The following INTS4 variants were observed in gnomAD, a reference collection of about 807,000 sequenced individuals.
INTS4 encodes the protein MSTP093.
INTS4 carries 70 observed loss-of-function variants against 119.5 expected under a neutral mutation model. The observed-to-expected ratio is 0.59, with a 90% CI of 0.48 to 0.71. INTS4 has a LOEUF of 0.71. Among genes scored for constraint, INTS4 ranks in the 30% least tolerant of loss-of-function variants. INTS4 has a pLI of 0.00. For missense variants in INTS4, 867 were observed against 1,173.2 expected (o/e 0.74, Z 3.81); for synonymous variants, 316 against 419.6 (o/e 0.75, Z 3.02).
At chr11:77,994,500 T>A in intron 1 of INTS4, 90 bp downstream of exon 1, 1 of 1,004,920 alleles carries the variant, frequency 1.0e-6, no homozygotes, top group Non-Finnish European at 1.6e-6. Flanking sequence ...CACGGGCGTA[T>A]GGAGCCTCTT....
At chr11:77,976,060 G>T (rs897489448) in intron 4 of INTS4, among the ~76,000 whole-genome samples, 7 of 151,794 alleles carry the variant, frequency 4.6e-5, no homozygotes, top group Non-Finnish European at 1.0e-4. Context: ...CACATGAGAG[G>T]AAATACAAAT....
chr11:77,877,882 G>A (rs1165457529), downstream of INTS4, among the ~76,000 whole-genome samples: 2 of 152,000 alleles, frequency 1.3e-5, no homozygotes. Flanking sequence ...ACAGCCCCCA[G>A]CCCCATGCCT....
chr11:77,962,814 T>C (rs746043471), intron 4 of INTS4, among the ~76,000 whole-genome samples: 2 of 151,998 alleles, frequency 1.3e-5, no homozygotes, highest in Non-Finnish European at 2.9e-5. Context: ...TGAATGGGAC[T>C]TGGCCAGCTT....
intron 15 of INTS4, chr11:77,915,284 G>A (rs926347944): frequency 6.6e-6 from 1 of 152,328 alleles, no homozygotes; most frequent in African/African-American, 2.4e-5. Context: ...GGGACTTTGT[G>A]AATCATCCCT....
At chr11:77,929,325 T>G (rs1953588993) in intron 10 of INTS4, among the ~76,000 whole-genome samples, 1 of 152,168 alleles carries the variant, frequency 6.6e-6, no homozygotes, top group Admixed American at 6.5e-5. Flanking sequence ...GCCCACAGTT[T>G]CACATACCAC....
intron 10 of INTS4, among the ~76,000 whole-genome samples, chr11:77,931,794 C>A (rs999726514): frequency 6.6e-6 from 1 of 152,188 alleles, no homozygotes; most frequent in African/African-American, 2.4e-5. Flanking sequence ...CACACATCTA[C>A]AACCATCTGA....
chr11:77,964,002 T>C (rs1015489257), intron 4 of INTS4, among the ~76,000 whole-genome samples: 1 of 152,166 alleles, frequency 6.6e-6, no homozygotes, highest in African/African-American at 2.4e-5. Context: ...ATACCCTCTT[T>C]TAACAAGAAC....
intron 10 of INTS4, among the ~76,000 whole-genome samples, chr11:77,932,883 C>T (rs1953687653): frequency 1.4e-5 from 2 of 144,886 alleles, no homozygotes; most frequent in Admixed American, 7.4e-5. Context: ...CATGTTCTCA[C>T]TCATAAGTGG....
intron 1 of INTS4, among the ~76,000 whole-genome samples, chr11:77,993,979 A>G (rs964263521): frequency 3.3e-5 from 5 of 151,334 alleles, no homozygotes; most frequent in Non-Finnish European, 5.9e-5. Context: ...CCCGACAGGG[A>G]CTCTGCCCAC....
downstream of INTS4, among the ~76,000 whole-genome samples, chr11:77,878,243 T>C (rs993636769): frequency 1.3e-5 from 2 of 151,682 alleles, no homozygotes; most frequent in Admixed American, 6.6e-5. Flanking sequence ...GCGCCTGTAG[T>C]CCCACCTACT....
At chr11:77,987,461 T>C (rs1180301019) in intron 2 of INTS4, 2 of 306,998 alleles carry the variant, frequency 6.5e-6, no homozygotes, top group Non-Finnish European at 1.3e-5. Context: ...AGTATTATTA[T>C]AGATGATTAT....
chr11:77,891,441 T>C lies in INTS4; in HGVS notation c.2470A>G (p.Ile824Val), dbSNP rs143069093. The change falls in exon 21 of 23, where the codon ATC becomes GTC. Residue 824 changes from isoleucine (I) to valine (V), a missense_variant. By Grantham distance (29) the Ile-to-Val change is conservative. Around this residue, in one of 5 missense-constraint regions of INTS4, gnomAD observed 262 missense variants for 376.0 expected, o/e 0.70. Coordinates refer to ENST00000534064, the MANE Select transcript of INTS4 (RefSeq NM_033547.4). ...TCTGACTCGCCCGCTGGCTCGATGA[T>C]GGTGGCTGAGGCTTTGTGGATCTGT... The part of the protein sequence containing the change: ...PEQIHKASAT[I>V]IEPAGESDNP... The C allele has an allele frequency of 1.5e-3, 2,400 of 1,613,826 alleles. 1 individual carries two copies. The highest frequency in any genetic ancestry group is 6.0e-3 in the Middle Eastern group (36 of 6,050).
At chr11:77,964,930 C>T in intron 4 of INTS4, among the ~76,000 whole-genome samples, 1 of 152,074 alleles carries the variant, frequency 6.6e-6, no homozygotes, top group Admixed American at 6.6e-5. Context: ...TTATTATAGT[C>T]ATAGTTATAT....
In INTS4 at chr11:77,907,774, C is replaced by G; in HGVS notation, c.1959G>C (p.Leu653Phe). 1 of 1,613,700 alleles carries G rather than the reference C, an allele frequency of 6.2e-7. No individual in the cohort carries two copies. Among genetic ancestry groups the G allele is most frequent in the Non-Finnish European group, 8.5e-7 (1 of 1,179,754 alleles). Residue 653 changes from leucine to phenylalanine, a missense_variant, in exon 16 of 23, where the codon TTG (leucine) becomes TTC (phenylalanine). Coordinates refer to ENST00000534064, the MANE Select transcript of INTS4 (RefSeq NM_033547.4). ...LQRLGELQSE[L>F]AGVADFSATY... ...TGGCAGAGAAATCAGCTACTCCTGC[C>G]AATTCAGATTGAAGTTCTCCAAGTC...
intron 2 of INTS4, among the ~76,000 whole-genome samples, chr11:77,984,209 G>GT (rs1856364426): frequency 6.6e-6 from 1 of 152,034 alleles, no homozygotes; most frequent in Non-Finnish European, 1.5e-5. Flanking sequence ...AATGTAGAAT[G>GT]AGACCGGGCA....
At chr11:77,988,892 G>A (rs890802938) in intron 2 of INTS4, among the ~76,000 whole-genome samples, 2 of 152,114 alleles carry the variant, frequency 1.3e-5, no homozygotes, top group African/African-American at 4.8e-5. Flanking sequence ...AGTAACTGTT[G>A]TAGATTTTTG....
At chr11:77,880,351 T>C (rs143396099) in intron 22 of INTS4, among the ~76,000 whole-genome samples, 15 of 152,218 alleles carry the variant, frequency 9.9e-5, no homozygotes, top group African/African-American at 3.1e-4. Context: ...AGGGAAAGGT[T>C]TGCAGTCAGC....
chr11:77,939,831 C>T (rs1442729996), intron 9 of INTS4, among the ~76,000 whole-genome samples: 9 of 150,380 alleles, frequency 6.0e-5, no homozygotes, highest in African/African-American at 1.7e-4. Context: ...GGCGACAGAG[C>T]GAGACCCTGT....
chr11:77,922,167 T>A (rs1953377762), intron 13 of INTS4, among the ~76,000 whole-genome samples, 189 bp downstream of exon 13: 1 of 149,360 alleles, frequency 6.7e-6, no homozygotes, highest in Non-Finnish European at 1.5e-5. Flanking sequence ...GGCAGAGGTT[T>A]CAGTGAGCCG....
Sources: gnomAD v4.1 joint callset for allele counts (sites outside exome capture counted in the v4.1 genomes callset) on GRCh38, gnomAD v4.1.1 for gene constraint, gnomAD v4.1.1 regional missense constraint, MANE v1.5 for transcripts, NCBI Gene and HGNC (gene_info 2026-07-23, HGNC 2026-07-21) for gene names.